The following PTGR3 variants were observed in gnomAD, a reference collection of about 807,000 sequenced individuals.
The protein encoded by PTGR3 is zinc binding alcohol dehydrogenase domain containing 2.
At chr18:75,208,414 G>T in the PTGR3 span, 1 of 991,228 alleles carries the variant, frequency 1.0e-6, no homozygotes, top group Non-Finnish European at 1.2e-6. Context: ...TCCGAAGCAC[G>T]TTTACCTAAA....
At chr18:75,196,943 A>G in the PTGR3 span, 1 of 152,218 alleles carries the variant, frequency 6.6e-6, no homozygotes, top group African/African-American at 2.4e-5. Flanking sequence ...CATAATTGAA[A>G]TAGGTCCTTT....
chr18:75,199,255 G>A, the PTGR3 span: 1 of 152,236 alleles, frequency 6.6e-6, no homozygotes, highest in Non-Finnish European at 1.5e-5. Context: ...TTAAAATGTT[G>A]GTCTTTCATC....
the PTGR3 span, among the ~76,000 whole-genome samples, chr18:75,204,392 G>A: frequency 2.6e-5 from 4 of 152,250 alleles, no homozygotes; most frequent in African/African-American, 9.6e-5. Flanking sequence ...GTTTGGGAGG[G>A]GGGAGTGGGG....
At chr18:75,204,328 C>G in the PTGR3 span, among the ~76,000 whole-genome samples, 1 of 152,262 alleles carries the variant, frequency 6.6e-6, no homozygotes, top group Non-Finnish European at 1.5e-5. Flanking sequence ...AGGACGCACA[C>G]CGGAGCAGCC....
chr18:75,198,277 G>A, the PTGR3 span: 1 of 152,130 alleles, frequency 6.6e-6, no homozygotes. Context: ...GTTGTACTGA[G>A]GACATTACAT....
chr18:75,202,028 T>C, the PTGR3 span: 1 of 1,614,142 alleles, frequency 6.2e-7, no homozygotes, highest in Non-Finnish European at 8.5e-7. Context: ...CCAAAACTTT[T>C]TTCCCTTCCG....
chr18:75,205,199 G>C, the PTGR3 span: 4 of 985,396 alleles, frequency 4.1e-6, no homozygotes, highest in East Asian at 1.1e-4. Context: ...TTACCTCTGC[G>C]TGAGGGTCCG....
At chr18:75,195,346 C>T in the PTGR3 span, 1 of 152,152 alleles carries the variant, frequency 6.6e-6, no homozygotes, top group South Asian at 2.1e-4. Context: ...CTGGGTTTAT[C>T]TCCACAAAAA....
At chr18:75,196,984 A>G in the PTGR3 span, 7 of 152,180 alleles carry the variant, frequency 4.6e-5, no homozygotes, top group Admixed American at 1.3e-4. Context: ...AACTACTACT[A>G]AGAATCACTT....
chr18:75,203,620 C>T, the PTGR3 span, among the ~76,000 whole-genome samples: 1 of 152,170 alleles, frequency 6.6e-6, no homozygotes, highest in African/African-American at 2.4e-5. Context: ...CAGACGCCAG[C>T]ACACCACACA....
the PTGR3 span, chr18:75,205,180 C>A: frequency 1.0e-6 from 1 of 985,556 alleles, no homozygotes; most frequent in Non-Finnish European, 1.2e-6. Context: ...CCGGGACCCG[C>A]CTGAGTCCTT....
At chr18:75,196,453 C>T in the PTGR3 span, 1 of 151,530 alleles carries the variant, frequency 6.6e-6, no homozygotes, top group Non-Finnish European at 1.5e-5. Context: ...CATAGTAGAA[C>T]CTCATCTCTA....
the PTGR3 span, chr18:75,209,135 G>T: frequency 4.9e-6 from 6 of 1,226,168 alleles, no homozygotes; most frequent in Non-Finnish European, 6.2e-6. The surrounding 1 kb of genome is among the most constrained non-coding windows in gnomAD (Gnocchi z 4.7). Flanking sequence ...GCTCGGCTGT[G>T]CTCTGCTCGG....
At chr18:75,208,901 C>T in the PTGR3 span, 1 of 1,569,524 alleles carries the variant, frequency 6.4e-7, no homozygotes, top group East Asian at 2.4e-5. Flanking sequence ...CGGGCAGTCC[C>T]GGCTCAGGGT....
At chr18:75,207,675 G>C in the PTGR3 span, among the ~76,000 whole-genome samples, 1 of 128,638 alleles carries the variant, frequency 7.8e-6, no homozygotes, top group African/African-American at 3.0e-5. Flanking sequence ...GTTTCCAAAA[G>C]TTTTATATCG....
the PTGR3 span, chr18:75,208,742 G>C: frequency 1.3e-5 from 14 of 1,087,714 alleles, no homozygotes; most frequent in African/African-American, 2.0e-4. Context: ...GCCCGAGCGC[G>C]CGCCGGAGTG....
the PTGR3 span, chr18:75,201,575 G>T: frequency 6.2e-7 from 1 of 1,614,094 alleles, no homozygotes; most frequent in Non-Finnish European, 8.5e-7. Context: ...CCAGGTCTCC[G>T]CTCACACACA....
the PTGR3 span, chr18:75,208,627 G>C: frequency 3.3e-6 from 2 of 602,944 alleles, no homozygotes; most frequent in African/African-American, 2.0e-5. Context: ...TTATGAGGAC[G>C]TTCGGTGGCA....
At chr18:75,208,386 G>A in the PTGR3 span, 1 of 988,300 alleles carries the variant, frequency 1.0e-6, no homozygotes, top group Non-Finnish European at 1.2e-6. Flanking sequence ...AAAGCCAGCC[G>A]GGTCCCAGCC....
Sources: gnomAD v4.1 joint callset for allele counts (sites outside exome capture counted in the v4.1 genomes callset) on GRCh38, gnomAD v4.1.1 for gene constraint, Gnocchi (gnomAD v3.1) non-coding constraint, MANE v1.5 for transcripts, NCBI Gene and HGNC (gene_info 2026-07-23, HGNC 2026-07-21) for gene names.